IFT172: variants seen among roughly 807,000 people sequenced by gnomAD.
IFT172 encodes intraflagellar transport protein 172 homolog.
IFT172 carries 164 observed loss-of-function variants against 248.9 expected under a neutral mutation model. That is an observed-to-expected ratio of 0.66 (90% CI 0.58 to 0.75). IFT172 has a LOEUF of 0.75. IFT172 is among the 30% of genes least tolerant of loss of function. The probability of loss-of-function intolerance (pLI) is 0.00; values close to 1 mark genes in which losing one functional copy is unlikely to be tolerated. For synonymous variants in IFT172, 729 were observed against 791.6 expected (o/e 0.92, Z 1.33); for missense variants, 1,950 against 2,192.4 (o/e 0.89, Z 2.21).
chr2:27,462,992 G>A, intron 19 of IFT172, 105 bp downstream of exon 19: 1 of 1,365,340 alleles, frequency 7.3e-7, no homozygotes, highest in Non-Finnish European at 1.0e-6. Context: ...GGTGGGCAGG[G>A]TAAAGGAAAC....
rs760326066 is a variant in IFT172, at chr2:27,483,893, G to C, written c.381C>G (p.Val127=). The C allele has an allele frequency of 3.1e-6, 5 of 1,613,802 alleles. No homozygotes were observed. Among genetic ancestry groups the C allele is most frequent in the Non-Finnish European group, 4.2e-6 (5 of 1,179,764 alleles). The change falls in exon 5 of 48, where the codon GTC becomes GTG. Residue 127 remains valine, a synonymous_variant. Transcript: ENST00000260570. ...CLQWPAEYII[V]FGLAEGKVRL... ...TTACCTTCCCTTCAGCCAGTCCAAA[G>C]ACAATGATGTATTCTGCCGGCCATT...
chr2:27,478,796 G>C (rs901862674), intron 10 of IFT172, among the ~76,000 whole-genome samples: 3 of 152,172 alleles, frequency 2.0e-5, no homozygotes, highest in Non-Finnish European at 2.9e-5. Flanking sequence ...TGGAAGGACA[G>C]AGGTAGAAAA....
intron 14 of IFT172, among the ~76,000 whole-genome samples, chr2:27,472,768 T>C (rs928329057): frequency 2.6e-5 from 4 of 152,154 alleles, no homozygotes; most frequent in African/African-American, 4.8e-5. Context: ...GGGTGGATGG[T>C]GGGGAAGGCA....
At chr2:27,453,273 G>T in intron 35 of IFT172, 111 bp downstream of exon 35, 3 of 1,364,462 alleles carry the variant, frequency 2.2e-6, no homozygotes, top group Non-Finnish European at 3.1e-6. Context: ...CCTGCTACCT[G>T]ATTGAAAAGA....
Position 27,454,524 on chromosome 2 carries a change from G to C in IFT172, c.3465+43C>G, listed in dbSNP as rs368345372. The C allele has an allele frequency of 4.9e-5, 79 of 1,610,146 alleles. No individual in the cohort carries two copies. The highest frequency in any genetic ancestry group is 6.3e-5 in the Non-Finnish European group (74 of 1,176,564). On this transcript the variant is annotated intron_variant, in intron 31 of 47. Transcript: ENST00000260570. This position sits in a 1 kb window ranked among gnomAD's most constrained non-coding sequence, Gnocchi z 4.2. Reference sequence around the variant, plus strand: ...CCCAGCAGCAGTGCACTAGGGGATGGAATAAGAGGGCTCTGCGGTCGGGGT... The same window carrying C: ...CCCAGCAGCAGTGCACTAGGGGATGCAATAAGAGGGCTCTGCGGTCGGGGT...
At chr2:27,465,094 G>C (rs1412131195) in intron 18 of IFT172, 1 of 263,856 alleles carries the variant, frequency 3.8e-6, no homozygotes, top group East Asian at 8.5e-5. Flanking sequence ...GCTAATTTTT[G>C]TATTTTTAGT....
At position 27,480,198 on chromosome 2, in the gene IFT172, A is replaced by G. The variant is rs189384660; in HGVS notation, c.786-49T>C. ...AGAAGAGATTGAGGCTGAGCTAAAGAGTGCAAATGGGCTGATAACCAAAGG... is the reference window on the plus strand; with the variant it reads ...AGAAGAGATTGAGGCTGAGCTAAAGGGTGCAAATGGGCTGATAACCAAAGG... On this transcript the variant is annotated intron_variant, in intron 8 of 47. Coordinates refer to ENST00000260570, the MANE Select transcript of IFT172 (RefSeq NM_015662.3). 1.5e-4 allele frequency: 241 copies of G among 1,566,436 alleles called. No homozygotes were observed. The African/African-American group carries it at 3.0e-3, about 20-fold the overall frequency.
chr2:27,477,608 G>C lies in IFT172; in HGVS notation c.1172C>G (p.Ala391Gly). The C allele has an allele frequency of 6.2e-7, 1 of 1,605,888 alleles. No homozygotes were observed. The highest frequency in any genetic ancestry group is 8.5e-7 in the Non-Finnish European group (1 of 1,172,468). The change falls in exon 12 of 48, where the codon GCC (alanine) becomes GGC (glycine). Residue 391 changes from alanine to glycine, a missense_variant. Physicochemically the swap from Ala to Gly is moderately conservative, Grantham distance 60 (BLOSUM62 0). Transcript: ENST00000260570. ...DLNTNRLSEI[A>G]WQGSGGNEKY... Reference sequence around the variant, plus strand: ...CTCATTGCCACCAGATCCTTGCCAGGCTATCTGTAACGGGAGAAGACTTAA... The same window carrying C: ...CTCATTGCCACCAGATCCTTGCCAGCCTATCTGTAACGGGAGAAGACTTAA...
Position 27,479,557 on chromosome 2 carries a change from C to A in IFT172, c.957G>T (p.Arg319Ser). The A allele has an allele frequency of 6.2e-7, 1 of 1,613,620 alleles. No homozygotes were observed. Among genetic ancestry groups the A allele is most frequent in the Non-Finnish European group, 8.5e-7 (1 of 1,179,572 alleles). The change falls in exon 10 of 48, where the codon AGG becomes AGT. Residue 319 changes from arginine to serine, a missense_variant. Arg to Ser is a moderately radical substitution (Grantham distance 110). Coordinates refer to ENST00000260570, the MANE Select transcript of IFT172 (RefSeq NM_015662.3). ...GVEQFDCCLR[R>S]SIYKNKFELT... ...ACTCAAACTTGTTCTTGTAAATACT[C>A]CTTCGGAGGCAGCAGTCAAACTGTT...
Position 27,457,979 on chromosome 2 carries a change from G to A in IFT172, c.2976-3C>T, listed in dbSNP as rs371847154. The A allele has an allele frequency of 2.5e-5, 41 of 1,614,144 alleles. No individual in the cohort carries two copies. In the African/African-American group the frequency reaches 5.1e-4, roughly 20 times the overall value. On this transcript the variant is annotated splice_polypyrimidine_tract_variant and splice_region_variant and intron_variant, in intron 27 of 47. Coordinates refer to ENST00000260570, the MANE Select transcript of IFT172 (RefSeq NM_015662.3). The stretch of plus-strand genomic sequence containing the variant: ...GCTCTTGTACTGTCACATATAGCCT[G>A]GGGAAGGAGATACATCTGGGGCCTC...
At chr2:27,459,947 A>T in intron 23 of IFT172, 118 bp from the exon 24 acceptor site, 3 of 1,360,214 alleles carry the variant, frequency 2.2e-6, no homozygotes, top group Non-Finnish European at 3.0e-6. Context: ...GGAGGACTGG[A>T]GCCAGGCATC....
At position 27,461,393 on chromosome 2, in the gene IFT172, T is replaced by C. The variant is rs1249852160; in HGVS notation, c.2318A>G (p.Tyr773Cys). ...TTTGGCAGGGAGCCCAGCTTTGAGG[T>C]AGAGGCTGATGGCTGCTAGCCCATC... is the stretch of plus-strand genomic sequence containing the variant. The part of the protein sequence containing the change: ...QGDGLAAISL[Y>C]LKAGLPAKAA... Residue 773 changes from tyrosine (Y) to cysteine (C), a missense_variant, in exon 22 of 48, where the codon TAC becomes TGC. Around this residue, in one of 3 missense-constraint regions of IFT172, gnomAD observed 1,166 missense variants for 1,254.1 expected, o/e 0.93. Transcript: ENST00000260570. The C allele has an allele frequency of 1.2e-6, 2 of 1,614,134 alleles. No homozygotes were observed. Among genetic ancestry groups the C allele is most frequent in the South Asian group, 1.1e-5 (1 of 91,084 alleles).
At chr2:27,479,998 A>G (rs755270444) in intron 9 of IFT172, 28 bp downstream of exon 9, 67 of 1,604,074 alleles carry the variant, frequency 4.2e-5, no homozygotes, top group Admixed American at 1.2e-4. Context: ...AAAGTCACCA[A>G]TCCAGAAAGG....
In IFT172 at chr2:27,461,252, A is replaced by T. The variant is rs1490226018; in HGVS notation, c.2442+17T>A. On this transcript the variant is annotated intron_variant, in intron 22 of 47. Transcript: ENST00000260570. Reference sequence around the variant, plus strand: ...TGAGCTCTGGAGATAAGGGCTAGGAAAAGGAAGCCAGCATACCCTTTCGTA... The same window carrying T: ...TGAGCTCTGGAGATAAGGGCTAGGATAAGGAAGCCAGCATACCCTTTCGTA... The T allele has an allele frequency of 6.2e-7, 1 of 1,613,518 alleles. No individual in the cohort carries two copies. Among genetic ancestry groups the T allele is most frequent in the Non-Finnish European group, 8.5e-7 (1 of 1,179,484 alleles).
Position 27,457,883 on chromosome 2 carries a change from G to T in IFT172, c.3069C>A (p.His1023Gln), listed in dbSNP as rs753725281. The T allele has an allele frequency of 6.2e-7, 1 of 1,614,186 alleles. No homozygotes were observed. Among genetic ancestry groups the T allele is most frequent in the Non-Finnish European group, 8.5e-7 (1 of 1,180,028 alleles). The change falls in exon 28 of 48, where the codon CAC becomes CAA. Residue 1023 changes from histidine to glutamine, a missense_variant. Physicochemically the swap from His to Gln is conservative, Grantham distance 24 (BLOSUM62 0). Coordinates refer to ENST00000260570, the MANE Select transcript of IFT172 (RefSeq NM_015662.3). ...YDDMIRLVGK[H>Q]HPDLLSDTHL... ...GTGTATCACTGAGGAGATCTGGATG[G>T]TGCTTCCCTACCAGGCGGATCATGT...
Position 27,445,670 on chromosome 2 carries a change from A to G in IFT172, c.4914+75T>C. 1 of 1,545,168 alleles carries G rather than the reference A, an allele frequency of 6.5e-7. No individual in the cohort carries two copies. Among genetic ancestry groups the G allele is most frequent in the Admixed American group, 1.7e-5 (1 of 58,294 alleles). The stretch of plus-strand genomic sequence containing the variant: ...GGGCTGAGGTCCTTCCAAAGATGGC[A>G]GCACAAAGATATTCTCCCTCCTCAA... On this transcript the variant is annotated intron_variant, in intron 45 of 47. Coordinates refer to ENST00000260570, the MANE Select transcript of IFT172 (RefSeq NM_015662.3). The surrounding 1 kb of genome is among the most constrained non-coding windows in gnomAD (Gnocchi z 4.4).
rs704792 is a variant in IFT172 at position 27,458,530 on chromosome 2, G to A, written c.2877+249C>T. Among the ~76,000 whole-genome samples the A allele has an allele frequency of 0.035, 5,264 of 152,272 alleles. 303 individuals are homozygous for A. Among genetic ancestry groups the A allele is most frequent in the African/African-American group, 0.12 (5,006 of 41,534 alleles). ...ATCAATGTGACCAGAGGCATTAGGA[G>A]TGGTAGTTCAGATTCCCCAGCTCCC... On this transcript the variant is annotated intron_variant, in intron 26 of 47. Coordinates refer to ENST00000260570, the MANE Select transcript of IFT172 (RefSeq NM_015662.3).
At position 27,471,208 on chromosome 2, in the gene IFT172, A is replaced by T. The variant is rs1272452091; in HGVS notation, c.1525-113T>A. ...GTGAGCTAACCCACCACTCAGGTTC[A>T]TGCTGCATTTCAAAGCTTACTGACC... On this transcript the variant is annotated intron_variant, in intron 15 of 47. Coordinates refer to ENST00000260570, the MANE Select transcript of IFT172 (RefSeq NM_015662.3). The T allele has an allele frequency of 6.9e-6, 7 of 1,012,200 alleles. No individual in the cohort carries two copies. The Admixed American group carries it at 1.5e-4, about 22-fold the overall frequency. The allele number at this position is 1,012,200 out of a possible 1,614,324, so 62.7% of individuals were successfully genotyped here.
intron 39 of IFT172, 126 bp downstream of exon 39, chr2:27,449,168 C>A (rs1440173369): frequency 7.8e-7 from 1 of 1,279,880 alleles, no homozygotes; most frequent in East Asian, 2.3e-5. Flanking sequence ...GACTGAGCTT[C>A]TCTGATGCCC....
Sources: allele counts gnomAD v4.1 joint callset (sites outside exome capture counted in the v4.1 genomes callset), GRCh38; gene constraint gnomAD v4.1.1; regional missense constraint gnomAD v4.1.1; non-coding constraint Gnocchi (gnomAD v3.1); transcripts MANE v1.5; gene names NCBI Gene and HGNC (gene_info 2026-07-23, HGNC 2026-07-21).